LYPD4: variants seen among roughly 807,000 people sequenced by gnomAD.
LYPD4 encodes LY6/PLAUR domain containing 4, also known as ly6/PLAUR domain-containing protein 4.
In LYPD4, 20 loss-of-function variants were observed where a neutral mutation model predicts 18.2. The ratio of observed to expected loss-of-function variants is 1.10; its 90% CI spans 0.77 to 1.59. LYPD4 has a LOEUF of 1.59. Ranked by LOEUF, LYPD4 falls within the 40% of genes most tolerant of loss-of-function variation. LYPD4 has a pLI of 0.00. For synonymous variants in LYPD4, 111 were observed against 118.3 expected (o/e 0.94, Z 0.40); for missense variants, 278 against 300.3 (o/e 0.93, Z 0.55).
At chr19:41,835,673 G>T, downstream of LYPD4, 1 of 528,428 alleles carries the variant, frequency 1.9e-6, no homozygotes, top group Non-Finnish European at 2.4e-6. Flanking sequence ...TGACTATTCT[G>T]GCTTCCCAAC....
At chr19:41,836,163 C>T (rs2073368778), downstream of LYPD4, among the ~76,000 whole-genome samples, 1 of 151,138 alleles carries the variant, frequency 6.6e-6, no homozygotes, top group Admixed American at 6.6e-5. Flanking sequence ...TATCTGCTGC[C>T]CCCTTATGGC....
At chr19:41,838,467 C>A (rs1343841636) in intron 3 of LYPD4, among the ~76,000 whole-genome samples, 1 of 152,008 alleles carries the variant, frequency 6.6e-6, no homozygotes, top group African/African-American at 2.4e-5. Flanking sequence ...TGCAGGACCT[C>A]CCCCAGCCCC....
rs1390124562 is a variant in LYPD4, at chr19:41,838,749, AT to A, written c.211+131del. 510 of 422,762 alleles carry A rather than the reference AT, an allele frequency of 1.2e-3. 5 individuals carry two copies. Among genetic ancestry groups the A allele is most frequent in the African/African-American group, 1.0e-2 (469 of 47,102 alleles). 26.2% of individuals were successfully genotyped at this position (422,762 alleles called of 1,614,324 possible). A position where few individuals can be genotyped will look rare whatever the true frequency, so the allele number is the denominator to read the frequency against. On this transcript the variant is annotated intron_variant, in intron 3 of 4. Coordinates refer to ENST00000609812, the MANE Select transcript of LYPD4 (RefSeq NM_173506.7). ...CCCATCTCAAAAAAAATTAAAAAAA[AT>A]ATATATACATATATATATATATGTA... is the stretch of plus-strand genomic sequence containing the variant.
chr19:41,841,416 C>T (rs1479974808), intron 1 of LYPD4, among the ~76,000 whole-genome samples: 1 of 151,380 alleles, frequency 6.6e-6, no homozygotes, highest in Non-Finnish European at 1.5e-5. Context: ...ACTCAGGAGG[C>T]TAATGTTGAA....
rs914521064 is a variant in LYPD4, at chr19:41,843,984, A to C, written c.-527T>G. 6.6e-5 allele frequency: 10 copies of C among 151,414 alleles called. No homozygotes were observed. The highest frequency in any genetic ancestry group is 2.2e-4 in the African/African-American group (9 of 41,344). The allele number at this position is 151,414 out of a possible 1,614,324, so 9.4% of individuals were successfully genotyped here. ...ATGCCACCCCTACAAAAGACAAACAAATTGATGGAATGGAACCTTGCAGGG... is the reference window on the plus strand; with the variant it reads ...ATGCCACCCCTACAAAAGACAAACACATTGATGGAATGGAACCTTGCAGGG... On this transcript the variant is annotated 5_prime_UTR_variant, in exon 1 of 5. It adds an upstream start codon to the 5' untranslated region. Coordinates refer to ENST00000609812, the MANE Select transcript of LYPD4 (RefSeq NM_173506.7).
intron 1 of LYPD4, among the ~76,000 whole-genome samples, chr19:41,843,188 T>C (rs781935070): frequency 8.7e-5 from 13 of 149,974 alleles, no homozygotes; most frequent in Non-Finnish European, 5.9e-5. Flanking sequence ...GGAATGAAAG[T>C]GGGGAATTGG....
rs1425809392 is a variant in LYPD4, at chr19:41,839,394, G to A, written c.-109C>T. 1 of 1,036,268 alleles carries A rather than the reference G, an allele frequency of 9.7e-7. No individual in the cohort carries two copies. The highest frequency in any genetic ancestry group is 1.5e-6 in the Non-Finnish European group (1 of 672,164). 64.2% of individuals were successfully genotyped at this position (1,036,268 alleles called of 1,614,324 possible). A position where few individuals can be genotyped will look rare whatever the true frequency, so the allele number is the denominator to read the frequency against. ...CCGAATTCTTTGTCCACCTGTCTCT[G>A]GGTCACTGTTTCTGGAGCAGAAAGT... On this transcript the variant is annotated 5_prime_UTR_variant, in exon 2 of 5. Transcript: ENST00000609812.
rs1317475735 is a variant in LYPD4, at chr19:41,843,740, A to G, written c.-283T>C. The G allele has an allele frequency of 6.6e-6, 1 of 152,062 alleles. No individual in the cohort carries two copies. The highest frequency in any genetic ancestry group is 1.5e-5 in the Non-Finnish European group (1 of 68,086). 9.4% of individuals were successfully genotyped at this position (152,062 alleles called of 1,614,324 possible). ...ACCCGCAGAAAAGCTGGGACACAGG[A>G]AAGAGAAACGAAGGCTGACAACAGA... On this transcript the variant is annotated 5_prime_UTR_variant, in exon 1 of 5. Coordinates refer to ENST00000609812, the MANE Select transcript of LYPD4 (RefSeq NM_173506.7).
At chr19:41,836,287 CAA>C (rs531204341), downstream of LYPD4, among the ~76,000 whole-genome samples, 2 of 19,942 alleles carry the variant, frequency 1.0e-4, no homozygotes, top group East Asian at 4.1e-3. Context: ...GCCAACTTAC[CAA>C]AAAAAAAAAA....
intron 1 of LYPD4, among the ~76,000 whole-genome samples, chr19:41,842,459 A>G (rs1299619007): frequency 6.6e-6 from 1 of 151,836 alleles, no homozygotes; most frequent in African/African-American, 2.4e-5. Flanking sequence ...AGTTGATTAG[A>G]TGTACACAGG....
intron 4 of LYPD4, 33 bp from the exon 5 acceptor site, chr19:41,837,378 T>C: frequency 6.2e-7 from 1 of 1,612,260 alleles, no homozygotes; most frequent in South Asian, 1.1e-5. Context: ...TCAGGAACAC[T>C]TTCAAGACTC....
downstream of LYPD4, chr19:41,837,070 T>C (rs2123065081): frequency 1.9e-6 from 3 of 1,603,220 alleles, no homozygotes; most frequent in Non-Finnish European, 2.6e-6. Flanking sequence ...CACAGGACAA[T>C]GCAGAAAGGG....
At chr19:41,838,508 G>A (rs550765447) in intron 3 of LYPD4, among the ~76,000 whole-genome samples, 18 of 152,054 alleles carry the variant, frequency 1.2e-4, no homozygotes, top group Non-Finnish European at 2.1e-4. Flanking sequence ...CCTCCTCCAG[G>A]GATCTGTCCA....
Position 41,839,342 on chromosome 19 carries a change from G to T in LYPD4, c.-57C>A. The T allele has an allele frequency of 6.6e-7, 1 of 1,523,762 alleles. No homozygotes were observed. Among genetic ancestry groups the T allele is most frequent in the Non-Finnish European group, 9.1e-7 (1 of 1,097,728 alleles). 94.4% of individuals were successfully genotyped at this position (1,523,762 alleles called of 1,614,324 possible). On this transcript the variant is annotated 5_prime_UTR_variant, in exon 2 of 5. Coordinates refer to ENST00000609812, the MANE Select transcript of LYPD4 (RefSeq NM_173506.7). The stretch of plus-strand genomic sequence containing the variant: ...TCAGTCTGGAATCAGTTTCAGTCTG[G>T]ATCCCAAGCTCAGTTCCCATCAGTC...
In LYPD4 at chr19:41,837,329, G is replaced by T; in HGVS notation, c.555C>A (p.Thr185=). The change falls in exon 5 of 5, where the codon ACC becomes ACA. Residue 185 remains threonine, a synonymous_variant. Coordinates refer to ENST00000609812, the MANE Select transcript of LYPD4 (RefSeq NM_173506.7). The part of the protein sequence containing the change: ...LKFQAGFLNT[T]FLLMGCAREH... Reference sequence around the variant, plus strand: ...CACGAGCACACCCCATGAGGAGGAAGGTGGTATTGAGAAACCCTGTAAGGA... The same window carrying T: ...CACGAGCACACCCCATGAGGAGGAATGTGGTATTGAGAAACCCTGTAAGGA... 1 of 1,614,004 alleles carries T rather than the reference G, an allele frequency of 6.2e-7. No homozygotes were observed. The highest frequency in any genetic ancestry group is 1.1e-5 in the South Asian group (1 of 91,082).
chr19:41,839,280 T>C lies in LYPD4; in HGVS notation c.6A>G (p.Gly2=). M[G]PQHLRLVQLF... is the part of the protein sequence containing the mutation. The stretch of plus-strand genomic sequence containing the variant: ...GCTGCACAAGTCTCAAATGCTGGGG[T>C]CCCATGGCCCTGTGTCTGGGTCCTG... The change falls in exon 2 of 5, where the codon GGA becomes GGG. Residue 2 remains glycine (G), a synonymous_variant. Coordinates refer to ENST00000609812, the MANE Select transcript of LYPD4 (RefSeq NM_173506.7). 1 of 1,614,108 alleles carries C rather than the reference T, an allele frequency of 6.2e-7. No homozygotes were observed. The highest frequency in any genetic ancestry group is 1.1e-5 in the South Asian group (1 of 91,072).
intron 1 of LYPD4, 70 bp downstream of exon 1, chr19:41,843,508 A>G (rs1435509546): frequency 6.6e-6 from 1 of 151,944 alleles, no homozygotes; most frequent in Non-Finnish European, 1.5e-5. Flanking sequence ...GATCAAGTTC[A>G]ACCTCTTTAG....
intron 4 of LYPD4, among the ~76,000 whole-genome samples, chr19:41,837,694 CAAA>C (rs201284568): frequency 1.6e-5 from 2 of 123,744 alleles, no homozygotes; most frequent in African/African-American, 3.0e-5. Context: ...ACTCCCATTT[CAAA>C]AAAAAAAAAA....
intron 1 of LYPD4, among the ~76,000 whole-genome samples, chr19:41,841,394 G>A (rs1427559887): frequency 4.0e-5 from 6 of 151,788 alleles, no homozygotes; most frequent in Non-Finnish European, 8.8e-5. Flanking sequence ...GGGAGTGCCT[G>A]TAGTCCCAGC....
Sources: gnomAD v4.1 joint callset for allele counts (sites outside exome capture counted in the v4.1 genomes callset) on GRCh38, gnomAD v4.1.1 for gene constraint, MANE v1.5 for transcripts, NCBI Gene and HGNC (gene_info 2026-07-23, HGNC 2026-07-21) for gene names.